The following ALPK1 variants were observed in gnomAD, a reference collection of about 807,000 sequenced individuals.
ALPK1 encodes the protein alpha kinase 1.
In ALPK1, 110 loss-of-function variants were observed where a neutral mutation model predicts 120.6. The ratio of observed to expected loss-of-function variants is 0.91; its 90% CI spans 0.78 to 1.07. ALPK1 has a LOEUF of 1.07. Ranked by LOEUF, ALPK1 falls within the 50% of genes least tolerant of loss-of-function variation. The pLI, the probability that ALPK1 is intolerant of heterozygous loss-of-function variation, is 0.00. For missense variants in ALPK1, 1,498 were observed against 1,483.9 expected (o/e 1.01, Z -0.16); for synonymous variants, 582 against 560.3 (o/e 1.04, Z -0.55).
chr4:112,431,244 A>T lies in ALPK1; in HGVS notation c.1697A>T (p.Glu566Val). The change falls in exon 11 of 16, where the codon GAG (glutamate) becomes GTG (valine). Residue 566 changes from glutamate (E) to valine (V), a missense_variant. Physicochemically the swap from Glu to Val is moderately radical, Grantham distance 121. Coordinates refer to ENST00000650871, the MANE Select transcript of ALPK1 (RefSeq NM_025144.4). ...ETEPSDYSNGEGAVFNKSLSG... is the reference protein window; with the variant it reads ...ETEPSDYSNGVGAVFNKSLSG... Reference sequence around the variant, plus strand: ...GAGCCATCGGACTACAGCAATGGTGAGGGAGCTGTTTTCAACAAGTCTCTG... The same window carrying T: ...GAGCCATCGGACTACAGCAATGGTGTGGGAGCTGTTTTCAACAAGTCTCTG... The T allele has an allele frequency of 6.2e-7, 1 of 1,614,162 alleles. No homozygotes were observed. Among genetic ancestry groups the T allele is most frequent in the Non-Finnish European group, 8.5e-7 (1 of 1,180,022 alleles).
At chr4:112,334,505 T>C (rs1341319005) in intron 2 of ALPK1, among the ~76,000 whole-genome samples, 1 of 152,030 alleles carries the variant, frequency 6.6e-6, no homozygotes, top group Non-Finnish European at 1.5e-5. Context: ...AAATGAAGCT[T>C]TGTTCAGGGC....
chr4:112,370,184 C>T (rs1731340026), intron 2 of ALPK1, among the ~76,000 whole-genome samples: 2 of 152,182 alleles, frequency 1.3e-5, no homozygotes, highest in Non-Finnish European at 2.9e-5. Context: ...TGTCAATTAT[C>T]CCATAACTAA....
intron 1 of ALPK1, among the ~76,000 whole-genome samples, chr4:112,302,848 C>A (rs977152286): frequency 6.6e-6 from 1 of 152,190 alleles, no homozygotes; most frequent in Non-Finnish European, 1.5e-5. Context: ...CTCTACTCCT[C>A]GGCTCCATTT....
chr4:112,339,912 T>G (rs925895881), intron 2 of ALPK1, among the ~76,000 whole-genome samples: 10 of 152,262 alleles, frequency 6.6e-5, no homozygotes, highest in Admixed American at 1.3e-4. Flanking sequence ...ATAGTTCATT[T>G]TAATCTTAGT....
At chr4:112,382,247 C>A in intron 3 of ALPK1, 151 bp from the exon 4 acceptor site, 1 of 972,452 alleles carries the variant, frequency 1.0e-6, no homozygotes. Context: ...TCAGAACCAA[C>A]AGCTTAGACC....
In ALPK1 at chr4:112,356,352, G is replaced by A. The variant is rs1340035077; in HGVS notation, c.-100-21326G>A. On this transcript the variant is annotated intron_variant, in intron 2 of 15. Coordinates refer to ENST00000650871, the MANE Select transcript of ALPK1 (RefSeq NM_025144.4). ...ATCTTTGCCTGCAATTTTGCCGATAGGGTGCAAGGGGAGCTTCTCTCAGAT... is the reference window on the plus strand; with the variant it reads ...ATCTTTGCCTGCAATTTTGCCGATAAGGTGCAAGGGGAGCTTCTCTCAGAT... The A allele has an allele frequency of 3.5e-6, 3 of 850,282 alleles. No homozygotes were observed. In the African/African-American group the frequency reaches 5.0e-5, roughly 14 times the overall value. The allele number at this position is 850,282 out of a possible 1,614,324, so 52.7% of individuals were successfully genotyped here.
chr4:112,398,001 C>T (rs1732736906), intron 4 of ALPK1, among the ~76,000 whole-genome samples: 2 of 151,872 alleles, frequency 1.3e-5, no homozygotes, highest in Non-Finnish European at 2.9e-5. Flanking sequence ...AAAGCAGAGT[C>T]GAGAGATAGT....
At chr4:112,407,627 C>G (rs1733246060) in intron 4 of ALPK1, among the ~76,000 whole-genome samples, 1 of 152,136 alleles carries the variant, frequency 6.6e-6, no homozygotes, top group Admixed American at 6.5e-5. Flanking sequence ...TTTAGAGTTA[C>G]TATAAAATTT....
intron 4 of ALPK1, chr4:112,383,659 G>A (rs1279846994): frequency 6.6e-6 from 1 of 152,138 alleles, no homozygotes; most frequent in Admixed American, 6.6e-5. Flanking sequence ...TGGAAAAGTA[G>A]AATAAAATAA....
At chr4:112,357,565 G>GC (rs1730693138) in intron 2 of ALPK1, 1 of 1,343,208 alleles carries the variant, frequency 7.4e-7, no homozygotes, top group Admixed American at 1.8e-5. Context: ...TGGCACACTG[G>GC]CCCCCGGGTC....
In ALPK1 at chr4:112,319,150, A is replaced by C. The variant is rs894145229; in HGVS notation, c.-101+3298A>C. Among the ~76,000 whole-genome samples the C allele has an allele frequency of 2.6e-5, 4 of 152,208 alleles. No individual in the cohort carries two copies. The East Asian group carries it at 7.7e-4, about 29-fold the overall frequency. ...GCCTGGAGGCTAGTGGTCCAAACTA[A>C]ACAGGGAGAAACCCTGAAGCAGGCA... On this transcript the variant is annotated intron_variant, in intron 2 of 15. Coordinates refer to ENST00000650871, the MANE Select transcript of ALPK1 (RefSeq NM_025144.4).
intron 2 of ALPK1, among the ~76,000 whole-genome samples, chr4:112,324,016 G>A (rs1357362467): frequency 1.3e-5 from 2 of 152,160 alleles, no homozygotes; most frequent in Non-Finnish European, 1.5e-5. Flanking sequence ...GGCTTAGGGA[G>A]CCCACTGCTT....
chr4:112,433,459 A>T lies in ALPK1; in HGVS notation c.3034+878A>T, dbSNP rs747725501. 2.0e-5 allele frequency among the ~76,000 whole-genome samples: 3 copies of T among 152,194 alleles called. No homozygotes were observed. The East Asian group carries it at 5.8e-4, about 29-fold the overall frequency. ...CAACACCATCACCTTGTGGGTTAGA[A>T]CTTCAACATGTGAATTTAGGGGGGA... On this transcript the variant is annotated intron_variant, in intron 11 of 15. Coordinates refer to ENST00000650871, the MANE Select transcript of ALPK1 (RefSeq NM_025144.4).
At chr4:112,345,090 G>A (rs1364703440) in intron 2 of ALPK1, among the ~76,000 whole-genome samples, 28 of 152,100 alleles carry the variant, frequency 1.8e-4, no homozygotes, top group Admixed American at 1.8e-3. Flanking sequence ...TGTTGGTTTC[G>A]GTAAAAGTAG....
At chr4:112,418,389 C>T (rs537652561) in intron 5 of ALPK1, among the ~76,000 whole-genome samples, 39 of 152,246 alleles carry the variant, frequency 2.6e-4, no homozygotes, top group Non-Finnish European at 3.7e-4. Context: ...CAGCACTCCA[C>T]TGTAAAGTCA....
chr4:112,328,621 G>A (rs755123437), intron 2 of ALPK1, among the ~76,000 whole-genome samples: 3 of 152,202 alleles, frequency 2.0e-5, no homozygotes, highest in Non-Finnish European at 4.4e-5. Context: ...GGGCATTCAG[G>A]ACTCCTAAGA....
At chr4:112,364,286 A>C (rs1169106970) in intron 2 of ALPK1, among the ~76,000 whole-genome samples, 1 of 151,692 alleles carries the variant, frequency 6.6e-6, no homozygotes, top group Non-Finnish European at 1.5e-5. Flanking sequence ...TGGTTCTTTG[A>C]GAAAATAAAT....
chr4:112,439,940 T>C (rs1158061671), intron 14 of ALPK1, 68 bp downstream of exon 14: 4 of 1,334,624 alleles, frequency 3.0e-6, no homozygotes, highest in East Asian at 2.5e-5. Flanking sequence ...GTAACTAGCT[T>C]CCCTAATCTT....
At chr4:112,357,450 C>T (rs2074386) in intron 2 of ALPK1, 248,182 of 699,868 alleles carry the variant, frequency 0.35, 47,006 homozygotes, top group East Asian at 0.59. Context: ...TGGAGCACCA[C>T]TGCAGCAGAA....
Sources: allele counts gnomAD v4.1 joint callset (sites outside exome capture counted in the v4.1 genomes callset), GRCh38; gene constraint gnomAD v4.1.1; transcripts MANE v1.5; gene names NCBI Gene and HGNC (gene_info 2026-07-23, HGNC 2026-07-21).